Variants in ABCC2 observed in about 807,000 individuals in gnomAD.
The protein encoded by ABCC2 is ATP-binding cassette sub-family C member 2.
ABCC2 carries 157 observed loss-of-function variants against 173.4 expected under a neutral mutation model. The observed-to-expected ratio is 0.91, with a 90% confidence interval of 0.80 to 1.03. The LOEUF (loss-of-function observed/expected upper bound fraction) is 1.03. Ranked by LOEUF, ABCC2 falls within the 50% of genes least tolerant of loss-of-function variation. The pLI is 0.00. For missense variants in ABCC2, 1,822 were observed against 1,852.3 expected, an observed-to-expected ratio of 0.98 and a Z score of 0.30; for synonymous variants, 657 against 693.5, an observed-to-expected ratio of 0.95 and a Z score of 0.83.
intron 31 of ABCC2, 23 bp from the exon 32 acceptor site, chr10:99,851,479 T>C (rs1461474134): frequency 6.8e-6 from 11 of 1,613,918 alleles, no homozygotes; most frequent in Non-Finnish European, 9.3e-6. Flanking sequence ...CTAAGACTTT[T>C]ATTTCTTTCT....
intron 16 of ABCC2, among the ~76,000 whole-genome samples, chr10:99,814,075 G>C (rs576592925): frequency 7.1e-6 from 1 of 140,830 alleles, no homozygotes; most frequent in African/African-American, 2.8e-5. Flanking sequence ...ATATATATAT[G>C]TGTATGTGTA....
chr10:99,786,698 C>T (rs1389301813), intron 2 of ABCC2, among the ~76,000 whole-genome samples: 1 of 152,100 alleles, frequency 6.6e-6, no homozygotes, highest in Non-Finnish European at 1.5e-5. Flanking sequence ...GAAACCCCAT[C>T]TCTACTAAAA....
chr10:99,845,739 T>G lies in ABCC2; in HGVS notation c.4103T>G (p.Ile1368Ser). 6.2e-7 allele frequency: 1 copy of G among 1,613,050 alleles called. No individual in the cohort carries two copies. The highest frequency in any genetic ancestry group is 8.5e-7 in the Non-Finnish European group (1 of 1,179,710). Residue 1368 changes from isoleucine to serine, a missense_variant, in exon 29 of 32, where the codon ATT becomes AGT. Physicochemically the swap from Ile to Ser is moderately radical, Grantham distance 142 (BLOSUM62 -2). Transcript: ENST00000647814. ...ATTGATGGAGTAGATATTGCTTCCA[T>G]TGGGCTCCACGACCTCCGAGAGAAG... ...IIIDGVDIAS[I>S]GLHDLREKLT...
At chr10:99,814,724 TATG>T (rs1191572947) in intron 16 of ABCC2, among the ~76,000 whole-genome samples, 1 of 144,718 alleles carries the variant, frequency 6.9e-6, no homozygotes, top group Non-Finnish European at 1.5e-5. Context: ...TATATACACA[TATG>T]TGTGTGTATG....
intron 19 of ABCC2, among the ~76,000 whole-genome samples, chr10:99,829,225 C>A (rs2133108051): frequency 6.6e-6 from 1 of 152,238 alleles, no homozygotes; most frequent in Non-Finnish European, 1.5e-5. Context: ...CCACTCTGCC[C>A]CCTCCAGTGG....
At chr10:99,824,800 T>C (rs1370781977) in intron 19 of ABCC2, among the ~76,000 whole-genome samples, 4 of 151,172 alleles carry the variant, frequency 2.6e-5, no homozygotes, top group African/African-American at 9.8e-5. Context: ...TCAGTTAACA[T>C]ACGCCATTTG....
At chr10:99,815,062 C>T (rs1043710226) in intron 16 of ABCC2, among the ~76,000 whole-genome samples, 3 of 151,698 alleles carry the variant, frequency 2.0e-5, no homozygotes, top group Non-Finnish European at 1.5e-5. Context: ...TGGTTTGCTG[C>T]ACCTATTGAC....
At chr10:99,788,895 G>A (rs1346485913) in intron 2 of ABCC2, 2 of 152,590 alleles carry the variant, frequency 1.3e-5, no homozygotes, top group Non-Finnish European at 2.9e-5. Flanking sequence ...AGAGGCCTGG[G>A]TATTCTGTAG....
chr10:99,842,769 G>A (rs2038966290), intron 26 of ABCC2, among the ~76,000 whole-genome samples: 1 of 152,180 alleles, frequency 6.6e-6, no homozygotes, highest in African/African-American at 2.4e-5. Context: ...AATAAGGCCT[G>A]TGGAGCACAG....
intron 2 of ABCC2, among the ~76,000 whole-genome samples, chr10:99,791,417 A>G (rs2132963858): frequency 6.6e-6 from 1 of 152,334 alleles, no homozygotes; most frequent in South Asian, 2.1e-4. Flanking sequence ...CAAAACAAAA[A>G]CAAAAAACCT....
At chr10:99,841,911 G>A in intron 25 of ABCC2, 56 bp from the exon 26 acceptor site, 2 of 1,613,426 alleles carry the variant, frequency 1.2e-6, no homozygotes, top group Non-Finnish European at 1.7e-6. Flanking sequence ...CAAGGTTGCT[G>A]GTTAAGATGA....
intron 25 of ABCC2, among the ~76,000 whole-genome samples, chr10:99,837,108 C>T (rs375450819): frequency 5.5e-4 from 81 of 147,860 alleles, no homozygotes; most frequent in Middle Eastern, 3.6e-3. Flanking sequence ...TTGGTGCAGA[C>T]ATTTAAATAC....
At chr10:99,830,238 C>T in intron 19 of ABCC2, 69 bp from the exon 20 acceptor site, 1 of 1,598,700 alleles carries the variant, frequency 6.3e-7, no homozygotes, top group Admixed American at 1.7e-5. Flanking sequence ...GGAGGCTTCT[C>T]TCTCCTTGTT....
rs1351330745 is a variant in ABCC2, at chr10:99,813,045, A to G, written c.1995A>G (p.Gln665=). The G allele has an allele frequency of 1.2e-5, 19 of 1,614,024 alleles. No individual in the cohort carries two copies. The highest frequency in any genetic ancestry group is 2.2e-5 in the South Asian group (2 of 91,084). The change falls in exon 16 of 32, where the codon CAA becomes CAG. Residue 665 remains glutamine, a synonymous_variant. Coordinates refer to ENST00000647814, the MANE Select transcript of ABCC2 (RefSeq NM_000392.5). ...RDVNLDIMAG[Q]LVAVIGPVGS... ...TGAACCTGGACATTATGGCAGGCCA[A>G]CTTGTGGCTGTGATAGGCCCTGTCG... is the stretch of plus-strand genomic sequence containing the variant.
chr10:99,830,355 G>T lies in ABCC2; in HGVS notation c.2669G>T (p.Ser890Ile), dbSNP rs745670308. ...EEDDDYGLISSVEEIPEDAAS... is the reference protein window; with the variant it reads ...EEDDDYGLISIVEEIPEDAAS... ...GACGATGACTATGGGCTGATATCCAGTGTGGAAGAGATCCCCGAAGATGCA... is the reference window on the plus strand; with the variant it reads ...GACGATGACTATGGGCTGATATCCATTGTGGAAGAGATCCCCGAAGATGCA... The change falls in exon 20 of 32, where the codon AGT (serine) becomes ATT (isoleucine). Residue 890 changes from serine to isoleucine, a missense_variant. Physicochemically the swap from Ser to Ile is moderately radical, Grantham distance 142 (BLOSUM62 -2). Coordinates refer to ENST00000647814, the MANE Select transcript of ABCC2 (RefSeq NM_000392.5). 13 of 1,614,072 alleles carry T rather than the reference G, an allele frequency of 8.1e-6. No homozygotes were observed. Among genetic ancestry groups the T allele is most frequent in the Non-Finnish European group, 1.1e-5 (13 of 1,180,016 alleles).
At chr10:99,817,146 T>A (rs2038433470) in intron 16 of ABCC2, among the ~76,000 whole-genome samples, 162 bp from the exon 17 acceptor site, 1 of 152,150 alleles carries the variant, frequency 6.6e-6, no homozygotes, top group Non-Finnish European at 1.5e-5. Flanking sequence ...GAGAGTGGAA[T>A]AACTACAAGC....
Position 99,797,302 on chromosome 10 carries a change from C to A in ABCC2, c.838C>A (p.Gln280Lys). 6.2e-7 allele frequency: 1 copy of A among 1,613,590 alleles called. No individual in the cohort carries two copies. Among genetic ancestry groups the A allele is most frequent in the Non-Finnish European group, 8.5e-7 (1 of 1,179,828 alleles). The change falls in exon 7 of 32, where the codon CAG becomes AAG. Residue 280 changes from glutamine to lysine, a missense_variant. Coordinates refer to ENST00000647814, the MANE Select transcript of ABCC2 (RefSeq NM_000392.5). ...CAGGCTGCCTGGCTTGAACAAGAAT[C>A]AGAGTCAAAGCCAAGATGCCCTTGT... ...GARLPGLNKN[Q>K]SQSQDALVLE...
chr10:99,782,931 G>A, intron 1 of ABCC2, 54 bp downstream of exon 1: 1 of 1,591,378 alleles, frequency 6.3e-7, no homozygotes, highest in Admixed American at 1.7e-5. Context: ...AGAACAAGTG[G>A]TAGTTAGTTA....
At chr10:99,817,543 G>A in intron 17 of ABCC2, 59 bp downstream of exon 17, 2 of 1,583,858 alleles carry the variant, frequency 1.3e-6, no homozygotes, top group Non-Finnish European at 1.7e-6. Flanking sequence ...AAAAAGTGAG[G>A]ATGGTGGTGA....
Sources: allele counts gnomAD v4.1 joint callset (sites outside exome capture counted in the v4.1 genomes callset), GRCh38; gene constraint gnomAD v4.1.1; transcripts MANE v1.5; gene names NCBI Gene and HGNC (gene_info 2026-07-23, HGNC 2026-07-21).